RALA: variants seen among roughly 807,000 people sequenced by gnomAD.
The protein encoded by RALA is ras-related protein Ral-A.
Under a neutral mutation model 24.0 loss-of-function variants are expected in RALA, and 5 were observed. That is an observed-to-expected ratio of 0.21 (90% CI 0.11 to 0.44). The LOEUF (loss-of-function observed/expected upper bound fraction) is 0.44, where lower values mean the gene tolerates loss of function less well. Among genes scored for constraint, RALA ranks in the 20% least tolerant of loss-of-function variants. The pLI is 0.99. For synonymous variants in RALA, 77 were observed against 83.8 expected (o/e 0.92, Z 0.44); for missense variants, 95 against 241.2 (o/e 0.39, Z 4.01).
rs200678058 is a variant in RALA at position 39,629,410 on chromosome 7, C to A, written c.-38+5585C>A. Among the ~76,000 whole-genome samples the A allele has an allele frequency of 7.9e-5, 12 of 152,128 alleles. No homozygotes were observed. The East Asian group carries it at 2.3e-3, about 29-fold the overall frequency. On this transcript the variant is annotated intron_variant, in intron 1 of 4. Transcript: ENST00000005257. The stretch of plus-strand genomic sequence containing the variant: ...ATTGTTCATATTATTTGCTCACTTT[C>A]TTTTCTTTTCTTTTTCCTTTTTGAG...
At chr7:39,641,275 T>C (rs886074035) in intron 1 of RALA, among the ~76,000 whole-genome samples, 2 of 152,238 alleles carry the variant, frequency 1.3e-5, no homozygotes, top group Non-Finnish European at 2.9e-5. Flanking sequence ...TTTTGAAAAC[T>C]CATATTTATT....
intron 4 of RALA, among the ~76,000 whole-genome samples, chr7:39,704,262 T>C (rs906828815): frequency 1.3e-5 from 2 of 152,222 alleles, no homozygotes; most frequent in Non-Finnish European, 2.9e-5. Flanking sequence ...AATAGATACT[T>C]TCTATGCTGT....
intron 1 of RALA, among the ~76,000 whole-genome samples, chr7:39,644,831 A>G (rs1015669393): frequency 1.3e-5 from 2 of 152,242 alleles, no homozygotes; most frequent in African/African-American, 4.8e-5. Flanking sequence ...AAAACCCAGA[A>G]GTAATGTTTG....
intron 1 of RALA, among the ~76,000 whole-genome samples, chr7:39,669,960 A>AT (rs1792352552): frequency 6.6e-6 from 1 of 152,116 alleles, no homozygotes; most frequent in African/African-American, 2.4e-5. Flanking sequence ...TTCTGGCTGC[A>AT]TTTTTTAAAA....
chr7:39,646,872 A>C (rs146575385), intron 1 of RALA, among the ~76,000 whole-genome samples: 2 of 152,340 alleles, frequency 1.3e-5, no homozygotes, highest in African/African-American at 2.4e-5. Flanking sequence ...GGTTTCCATT[A>C]TAAACCATAA....
chr7:39,625,524 A>G (rs776402219), intron 1 of RALA, among the ~76,000 whole-genome samples: 2 of 152,252 alleles, frequency 1.3e-5, no homozygotes, highest in African/African-American at 2.4e-5. Flanking sequence ...CATTCTTCCC[A>G]TGAATACACG....
At chr7:39,674,694 G>T (rs1446562429) in intron 1 of RALA, among the ~76,000 whole-genome samples, 1 of 151,940 alleles carries the variant, frequency 6.6e-6, no homozygotes, top group Non-Finnish European at 1.5e-5. Flanking sequence ...AGATTTTTTT[G>T]GATTTTGGAA....
rs1051163681 is a variant in RALA at position 39,686,781 on chromosome 7, G to A, written c.114G>A (p.Glu38=). 3.7e-6 allele frequency: 6 copies of A among 1,604,586 alleles called. No homozygotes were observed. The highest frequency in any genetic ancestry group is 2.7e-5 in the African/African-American group (2 of 74,710). Residue 38 remains glutamate (E), a splice_region_variant and synonymous_variant, in exon 2 of 5, where the codon GAG becomes GAA. Coordinates refer to ENST00000005257, the MANE Select transcript of RALA (RefSeq NM_005402.4). The part of the protein sequence containing the change: ...SALTLQFMYD[E]FVEDYEPTKA... ...TGACTCTACAGTTCATGTACGATGA[G>A]GTAAGTGCTAATTTTATAATGGATC...
chr7:39,638,268 G>A (rs1376750757), intron 1 of RALA, among the ~76,000 whole-genome samples: 1 of 152,082 alleles, frequency 6.6e-6, no homozygotes, highest in Non-Finnish European at 1.5e-5. Flanking sequence ...CATAGATTTA[G>A]AACAATATTT....
chr7:39,686,856 T>C, intron 2 of RALA, 75 bp downstream of exon 2: 1 of 1,106,442 alleles, frequency 9.0e-7, no homozygotes. Context: ...TTGGTGCTAT[T>C]TTGTATGGAT....
intron 3 of RALA, among the ~76,000 whole-genome samples, chr7:39,694,915 T>G (rs2116093660): frequency 6.6e-6 from 1 of 151,342 alleles, no homozygotes; most frequent in East Asian, 1.9e-4. Flanking sequence ...ATTAGCTGGG[T>G]GTGGTGGCGC....
intron 1 of RALA, among the ~76,000 whole-genome samples, chr7:39,628,372 T>G: frequency 9.5e-6 from 1 of 105,206 alleles, no homozygotes; most frequent in East Asian, 2.5e-4. Context: ...AGTAACCTCA[T>G]AACTACACAC....
intron 1 of RALA, among the ~76,000 whole-genome samples, chr7:39,645,202 C>T (rs1791903474): frequency 6.6e-6 from 1 of 152,034 alleles, no homozygotes; most frequent in African/African-American, 2.4e-5. Context: ...AAAGTATTAT[C>T]ACTTACATTA....
At chr7:39,665,877 C>G (rs1240432888) in intron 1 of RALA, among the ~76,000 whole-genome samples, 1 of 151,618 alleles carries the variant, frequency 6.6e-6, no homozygotes, top group African/African-American at 2.4e-5. Context: ...GGCTTCACAT[C>G]AATAGTGTGT....
chr7:39,630,803 A>AT (rs1791585075), intron 1 of RALA, among the ~76,000 whole-genome samples: 1 of 151,860 alleles, frequency 6.6e-6, no homozygotes, highest in African/African-American at 2.4e-5. Context: ...AGTTGGGTAT[A>AT]TTTTTTTTCT....
At chr7:39,660,639 G>T (rs1346963035) in intron 1 of RALA, among the ~76,000 whole-genome samples, 2 of 152,022 alleles carry the variant, frequency 1.3e-5, no homozygotes, top group Non-Finnish European at 2.9e-5. Context: ...TTGGAATACA[G>T]TTGACCCTTG....
At chr7:39,697,971 G>GTGTGTGTGTGTA (rs147264246) in intron 4 of RALA, among the ~76,000 whole-genome samples, 131 of 149,462 alleles carry the variant, frequency 8.8e-4, no homozygotes, top group South Asian at 1.9e-3. Flanking sequence ...GTGTGTGTGT[G>GTGTGTGTGTGTA]TGTATGTGTG....
intron 1 of RALA, among the ~76,000 whole-genome samples, chr7:39,642,716 C>CT: frequency 6.6e-6 from 1 of 152,150 alleles, no homozygotes; most frequent in East Asian, 1.9e-4. Context: ...GTTGTGACTT[C>CT]TCTTTATTCC....
At chr7:39,688,972 A>T (rs1049622731) in intron 2 of RALA, among the ~76,000 whole-genome samples, 2 of 152,112 alleles carry the variant, frequency 1.3e-5, no homozygotes, top group Non-Finnish European at 2.9e-5. Context: ...AGAGAGAGAG[A>T]GTGTGAGCGA....
Sources: allele counts gnomAD v4.1 joint callset (sites outside exome capture counted in the v4.1 genomes callset), GRCh38; gene constraint gnomAD v4.1.1; transcripts MANE v1.5; gene names NCBI Gene and HGNC (gene_info 2026-07-23, HGNC 2026-07-21).